The following R3HDM1 variants were observed in gnomAD, a reference collection of about 807,000 sequenced individuals.
The protein encoded by R3HDM1 is R3H domain containing 1.
In R3HDM1, 46 loss-of-function variants were observed where a neutral mutation model predicts 141.1. The observed-to-expected ratio is 0.33, with a 90% confidence interval of 0.26 to 0.42. R3HDM1 has a LOEUF of 0.42. Among genes scored for constraint, R3HDM1 ranks in the 10% least tolerant of loss-of-function variants. The pLI is 1.00. For synonymous variants in R3HDM1, 435 were observed against 472.9 expected (o/e 0.92, Z 1.04); for missense variants, 1,184 against 1,368.3 (o/e 0.87, Z 2.12).
At chr2:135,649,045 C>T (rs1208282922) in intron 16 of R3HDM1, 1 of 151,162 alleles carries the variant, frequency 6.6e-6, no homozygotes, top group Non-Finnish European at 1.5e-5. Flanking sequence ...CTTAATAGTT[C>T]CCACCATATA....
rs575570582 is a variant in R3HDM1, at chr2:135,621,148, G to T, written c.304-346G>T. ...TTGATGATAATTATGCTCTTGCTTG[G>T]CATCTTCCTTGCAAAAATAAGTTAA... On this transcript the variant is annotated intron_variant, in intron 5 of 26. Coordinates refer to ENST00000683871, the MANE Select transcript of R3HDM1 (RefSeq NM_001378107.1). Among the ~76,000 whole-genome samples the T allele has an allele frequency of 3.3e-5, 5 of 151,954 alleles. No homozygotes were observed. In the South Asian group the frequency reaches 1.0e-3, roughly 32 times the overall value.
At chr2:135,608,884 C>G (rs1040388111) in intron 3 of R3HDM1, among the ~76,000 whole-genome samples, 3 of 152,116 alleles carry the variant, frequency 2.0e-5, no homozygotes, top group African/African-American at 7.2e-5. Context: ...CATCTGTTAT[C>G]TTGCTTCAGC....
At chr2:135,677,027 A>C (rs1228390596) in intron 20 of R3HDM1, among the ~76,000 whole-genome samples, 1 of 152,234 alleles carries the variant, frequency 6.6e-6, no homozygotes, top group African/African-American at 2.4e-5. Flanking sequence ...CTTGATTTGA[A>C]GCCTTCTGGG....
chr2:135,617,760 A>G (rs1436946993), intron 5 of R3HDM1, among the ~76,000 whole-genome samples: 1 of 152,190 alleles, frequency 6.6e-6, no homozygotes, highest in Non-Finnish European at 1.5e-5. Context: ...CCTAGTGGCT[A>G]GTTGTACTTA....
chr2:135,633,623 G>A (rs1054118478), intron 9 of R3HDM1: 1 of 152,068 alleles, frequency 6.6e-6, no homozygotes, highest in Non-Finnish European at 1.5e-5. Flanking sequence ...GGGATATGAA[G>A]AAGGTTGTAA....
rs1293967295 is a variant in R3HDM1 at position 135,584,243 on chromosome 2, G to A, written c.-249-18257G>A. 7 of 522,548 alleles carry A rather than the reference G, an allele frequency of 1.3e-5. No homozygotes were observed. The Admixed American group carries it at 1.9e-4, about 14-fold the overall frequency. The allele number at this position is 522,548 out of a possible 1,614,324, so 32.4% of individuals were successfully genotyped here. On this transcript the variant is annotated intron_variant, in intron 1 of 26. Transcript: ENST00000683871. ...CTCGGGAGGCTGAAGCAGGAGGATC[G>A]CTTGAACCTGGGAGGCAGAGGTTGC... is the stretch of plus-strand genomic sequence containing the variant.
chr2:135,534,117 T>A (rs965000041), intron 1 of R3HDM1, among the ~76,000 whole-genome samples: 1 of 152,216 alleles, frequency 6.6e-6, no homozygotes, highest in African/African-American at 2.4e-5. Context: ...TTTGATTAGC[T>A]TATGGAAGTT....
chr2:135,532,035 G>T (rs1234576967), intron 1 of R3HDM1, among the ~76,000 whole-genome samples: 1 of 152,214 alleles, frequency 6.6e-6, no homozygotes, highest in African/African-American at 2.4e-5. Context: ...GGCTGCTCTT[G>T]CAGCCCCAGG....
chr2:135,696,468 C>T (rs1174382355), intron 21 of R3HDM1, among the ~76,000 whole-genome samples: 1 of 151,904 alleles, frequency 6.6e-6, no homozygotes, highest in African/African-American at 2.4e-5. Flanking sequence ...TAAATTATAC[C>T]TCAGTAAAAC....
chr2:135,608,825 C>G (rs955702321), intron 3 of R3HDM1, among the ~76,000 whole-genome samples: 8 of 152,132 alleles, frequency 5.3e-5, no homozygotes, highest in Admixed American at 3.3e-4. Context: ...AAGATATTCT[C>G]TACTTTGCTC....
At chr2:135,535,586 A>T (rs1695913750) in intron 1 of R3HDM1, among the ~76,000 whole-genome samples, 1 of 152,050 alleles carries the variant, frequency 6.6e-6, no homozygotes, top group Non-Finnish European at 1.5e-5. Context: ...GTTTTTTCTC[A>T]GTATAATTGT....
chr2:135,670,057 G>C (rs1472195880), intron 19 of R3HDM1, among the ~76,000 whole-genome samples: 1 of 151,100 alleles, frequency 6.6e-6, no homozygotes, highest in African/African-American at 2.4e-5. Flanking sequence ...TTGAACCCAG[G>C]GGGTTGAGGT....
chr2:135,657,884 T>C (rs946589430), intron 18 of R3HDM1, among the ~76,000 whole-genome samples: 4 of 152,264 alleles, frequency 2.6e-5, no homozygotes, highest in African/African-American at 7.2e-5. Flanking sequence ...AATATGGTCA[T>C]GCATCATTTA....
At chr2:135,622,872 C>A in intron 7 of R3HDM1, 140 bp downstream of exon 7, 1 of 1,350,266 alleles carries the variant, frequency 7.4e-7, no homozygotes, top group Non-Finnish European at 9.5e-7. Flanking sequence ...TTTTTTAGGG[C>A]AAAGATGTTG....
chr2:135,705,810 A>G (rs2074820321), intron 21 of R3HDM1, among the ~76,000 whole-genome samples: 1 of 152,160 alleles, frequency 6.6e-6, no homozygotes, highest in African/African-American at 2.4e-5. Context: ...ATAATGTTAA[A>G]GGAATAAGAT....
At chr2:135,545,476 T>C (rs1266443152) in intron 1 of R3HDM1, among the ~76,000 whole-genome samples, 1 of 151,978 alleles carries the variant, frequency 6.6e-6, no homozygotes, top group African/African-American at 2.4e-5. Flanking sequence ...TTGAATGAAA[T>C]GAAGGAAAAA....
chr2:135,699,054 A>ATAGATT (rs59248857), intron 21 of R3HDM1, among the ~76,000 whole-genome samples: 14 of 93,786 alleles, frequency 1.5e-4, no homozygotes, highest in Middle Eastern at 6.7e-3. Flanking sequence ...TAAGATAGAT[A>ATAGATT]AGATAGATTG....
Position 135,559,048 on chromosome 2 carries a change from AAAGT to A in R3HDM1, c.-250+27416_-250+27419del, listed in dbSNP as rs1450089697. On this transcript the variant is annotated intron_variant, in intron 1 of 26. Coordinates refer to ENST00000683871, the MANE Select transcript of R3HDM1 (RefSeq NM_001378107.1). ...TTATCAGTGGTATTTATGATTCCAC[AAAGT>A]GTGTGTGTGTGTGTGTGTGTGTGTG... 24 of 951,798 alleles carry A rather than the reference AAAGT, an allele frequency of 2.5e-5. No homozygotes were observed. In the African/African-American group the frequency reaches 5.4e-4, roughly 21 times the overall value. The allele number at this position is 951,798 out of a possible 1,614,324, so 59.0% of individuals were successfully genotyped here. A position where few individuals can be genotyped will look rare whatever the true frequency, so the allele number is the denominator to read the frequency against.
At chr2:135,538,279 G>A (rs1696665901) in intron 1 of R3HDM1, among the ~76,000 whole-genome samples, 1 of 152,132 alleles carries the variant, frequency 6.6e-6, no homozygotes, top group South Asian at 2.1e-4. Flanking sequence ...TTTTTAAATG[G>A]TATACCTAAG....
Sources: gnomAD v4.1 joint callset for allele counts (sites outside exome capture counted in the v4.1 genomes callset) on GRCh38, gnomAD v4.1.1 for gene constraint, MANE v1.5 for transcripts, NCBI Gene and HGNC (gene_info 2026-07-23, HGNC 2026-07-21) for gene names.